The following ATRNL1 variants were observed in gnomAD, a reference collection of about 807,000 sequenced individuals.
ATRNL1 encodes attractin like 1.
ATRNL1 carries 95 observed loss-of-function variants against 182.7 expected under a neutral mutation model. The observed-to-expected ratio is 0.52, with a 90% CI of 0.44 to 0.62. The LOEUF (loss-of-function observed/expected upper bound fraction) is 0.62, where lower values mean the gene tolerates loss of function less well. Ranked by LOEUF, ATRNL1 falls within the 20% of genes least tolerant of loss-of-function variation. ATRNL1 has a pLI of 0.00. For missense variants in ATRNL1, 1,471 were observed against 1,679.5 expected, an observed-to-expected ratio of 0.88 and a Z score of 2.17; for synonymous variants, 576 against 568.3, an observed-to-expected ratio of 1.01 and a Z score of -0.19.
chr10:115,644,615 A>G (rs1422622745), intron 26 of ATRNL1, among the ~76,000 whole-genome samples: 3 of 152,194 alleles, frequency 2.0e-5, no homozygotes, highest in African/African-American at 7.2e-5. Flanking sequence ...AAGATTTGCT[A>G]GACGTTAAAG....
rs58578796 is a variant in ATRNL1, at chr10:115,759,841, A to ATTTTTTTTTTTTTTTTTTTTTTTTTTTT, written c.3903+32511_3903+32512insTTTTTTTTTTTTTTTTTTTTTTTTTTTT. Among the ~76,000 whole-genome samples, 2 of 62,696 alleles carry ATTTTTTTTTTTTTTTTTTTTTTTTTTTT rather than the reference A, an allele frequency of 3.2e-5. 1 individual carries two copies. The allele number at this position is 62,696 out of a possible 152,430, so 41.1% of individuals were successfully genotyped here. Reference sequence around the variant, plus strand: ...CAGGTGTGCACCACCACACCTGGCTATTTTTTTTTTTTTTTTTTTTTTTTT... The same window carrying ATTTTTTTTTTTTTTTTTTTTTTTTTTTT: ...CAGGTGTGCACCACCACACCTGGCTATTTTTTTTTTTTTTTTTTTTTTTTTTTTTTTTTTTTTTTTTTTTTTTTTTTTT... On this transcript the variant is annotated intron_variant, in intron 27 of 28. Transcript: ENST00000355044.
At chr10:115,442,457 C>T (rs1846744641) in intron 21 of ATRNL1, among the ~76,000 whole-genome samples, 1 of 151,890 alleles carries the variant, frequency 6.6e-6, no homozygotes, top group Non-Finnish European at 1.5e-5. Flanking sequence ...GCAATCTTCT[C>T]TGAACCTGTA....
At chr10:115,134,642 T>C (rs1361068087) in intron 5 of ATRNL1, among the ~76,000 whole-genome samples, 2 of 152,150 alleles carry the variant, frequency 1.3e-5, no homozygotes, top group Non-Finnish European at 2.9e-5. Flanking sequence ...CTGAAACTAT[T>C]TCAATCAATA....
chr10:115,140,588 G>C (rs781978366), intron 5 of ATRNL1, among the ~76,000 whole-genome samples: 1 of 152,134 alleles, frequency 6.6e-6, no homozygotes, highest in Non-Finnish European at 1.5e-5. Flanking sequence ...ATATGTAAGA[G>C]AGTTGCTTAA....
chr10:115,238,346 C>A (rs1850271447), intron 9 of ATRNL1, among the ~76,000 whole-genome samples: 1 of 152,184 alleles, frequency 6.6e-6, no homozygotes, highest in Non-Finnish European at 1.5e-5. Context: ...CTGGGAAGAA[C>A]TGGCATATTG....
intron 20 of ATRNL1, among the ~76,000 whole-genome samples, chr10:115,396,045 C>T (rs1415706599): frequency 6.6e-6 from 1 of 151,672 alleles, no homozygotes; most frequent in Admixed American, 6.6e-5. Flanking sequence ...GGAAAATGAT[C>T]CTTTTATTTT....
intron 27 of ATRNL1, among the ~76,000 whole-genome samples, chr10:115,785,598 T>C (rs1949377338): frequency 6.6e-6 from 1 of 152,248 alleles, no homozygotes; most frequent in Non-Finnish European, 1.5e-5. Flanking sequence ...CTGAGATTGG[T>C]TATTAGATCT....
intron 26 of ATRNL1, among the ~76,000 whole-genome samples, chr10:115,601,739 G>T (rs1269724006): frequency 6.6e-6 from 1 of 151,838 alleles, no homozygotes; most frequent in Non-Finnish European, 1.5e-5. Flanking sequence ...TTTCTAACTT[G>T]TCTGCTTATT....
At chr10:115,658,930 T>A (rs1298401262) in intron 26 of ATRNL1, among the ~76,000 whole-genome samples, 1 of 152,152 alleles carries the variant, frequency 6.6e-6, no homozygotes, top group Non-Finnish European at 1.5e-5. Context: ...CTTCTTCATA[T>A]GGTGGCAGCA....
rs141368475 is a variant in ATRNL1, at chr10:115,114,646, A to G, written c.294-5539A>G. On this transcript the variant is annotated intron_variant, in intron 1 of 28. Coordinates refer to ENST00000355044, the MANE Select transcript of ATRNL1 (RefSeq NM_207303.4). The stretch of plus-strand genomic sequence containing the variant: ...CAAAACATATATGAAAACATGCTCA[A>G]CATTACTAATCATCAGGGAAATGCA... Among the ~76,000 whole-genome samples the G allele has an allele frequency of 7.7e-3, 1,175 of 152,322 alleles. 17 individuals carry two copies. The highest frequency in any genetic ancestry group is 0.025 in the African/African-American group (1,051 of 41,566).
At chr10:115,207,947 A>G (rs1848865849) in intron 8 of ATRNL1, among the ~76,000 whole-genome samples, 1 of 152,086 alleles carries the variant, frequency 6.6e-6, no homozygotes, top group Non-Finnish European at 1.5e-5. Context: ...TGTCCACCAC[A>G]TCACTATCAC....
chr10:115,836,096 A>G (rs1008125315), intron 27 of ATRNL1, among the ~76,000 whole-genome samples: 10 of 152,174 alleles, frequency 6.6e-5, no homozygotes, highest in African/African-American at 2.4e-4. Context: ...AATTACAACT[A>G]TTTTCAATTT....
intron 24 of ATRNL1, among the ~76,000 whole-genome samples, chr10:115,494,791 C>T (rs1849465641): frequency 6.6e-6 from 1 of 152,068 alleles, no homozygotes; most frequent in South Asian, 2.1e-4. Flanking sequence ...GGATATTAGC[C>T]TGAAGTTTCC....
At chr10:115,162,708 C>T (rs375127937) in intron 6 of ATRNL1, among the ~76,000 whole-genome samples, 5 of 148,590 alleles carry the variant, frequency 3.4e-5, no homozygotes, top group Admixed American at 1.4e-4. Context: ...AGAAAAGGAC[C>T]GGGAACTGAG....
At chr10:115,479,204 C>G (rs1249134091) in intron 24 of ATRNL1, among the ~76,000 whole-genome samples, 5 of 151,444 alleles carry the variant, frequency 3.3e-5, no homozygotes, top group African/African-American at 1.2e-4. Flanking sequence ...TTTTTGATAA[C>G]TAATTAGAAG....
At chr10:115,534,956 A>G (rs1554989736) in intron 25 of ATRNL1, among the ~76,000 whole-genome samples, 8 of 152,318 alleles carry the variant, frequency 5.3e-5, no homozygotes. Context: ...TCTGGCTTGT[A>G]GAGTTTCTGC....
rs138328587 is a variant in ATRNL1 at position 115,750,008 on chromosome 10, A to G, written c.3903+22653A>G. ...CAACATTTGTATCTAAACATAATGTATTCCAGCAGAGAATTACTGTCCACC... is the reference window on the plus strand; with the variant it reads ...CAACATTTGTATCTAAACATAATGTGTTCCAGCAGAGAATTACTGTCCACC... On this transcript the variant is annotated intron_variant, in intron 27 of 28. Transcript: ENST00000355044. 1.2e-4 allele frequency among the ~76,000 whole-genome samples: 19 copies of G among 152,038 alleles called. No homozygotes were observed. The East Asian group carries it at 3.7e-3, about 29-fold the overall frequency.
At chr10:115,637,706 C>T (rs1592988075) in intron 26 of ATRNL1, among the ~76,000 whole-genome samples, 1 of 151,042 alleles carries the variant, frequency 6.6e-6, no homozygotes, top group African/African-American at 2.4e-5. Flanking sequence ...CTCACTGCAA[C>T]CTCCGCCTCC....
chr10:115,297,709 C>T (rs1227998059), intron 15 of ATRNL1, among the ~76,000 whole-genome samples: 3 of 150,042 alleles, frequency 2.0e-5, no homozygotes, highest in African/African-American at 7.4e-5. Context: ...TTAGTTCTCA[C>T]TACCACTTAT....
Sources: gnomAD v4.1 joint callset for allele counts (sites outside exome capture counted in the v4.1 genomes callset) on GRCh38, gnomAD v4.1.1 for gene constraint, MANE v1.5 for transcripts, NCBI Gene and HGNC (gene_info 2026-07-23, HGNC 2026-07-21) for gene names.